SLC4A4: variants seen among roughly 807,000 people sequenced by gnomAD.
SLC4A4 encodes electrogenic sodium bicarbonate cotransporter 1.
In SLC4A4, 27 loss-of-function variants were observed where a neutral mutation model predicts 111.5. The ratio of observed to expected loss-of-function variants is 0.24; its 90% CI spans 0.18 to 0.33. The LOEUF (loss-of-function observed/expected upper bound fraction) is 0.33, where lower values mean the gene tolerates loss of function less well. Ranked by LOEUF, SLC4A4 falls within the 10% of genes least tolerant of loss-of-function variation. SLC4A4 has a pLI of 1.00. For synonymous variants in SLC4A4, 443 were observed against 463.4 expected, an observed-to-expected ratio of 0.96 and a Z score of 0.57; for missense variants, 909 against 1,315.5, an observed-to-expected ratio of 0.69 and a Z score of 4.78.
chr4:71,069,789 A>C (rs572548449), intron 1 of SLC4A4, among the ~76,000 whole-genome samples: 2 of 152,312 alleles, frequency 1.3e-5, no homozygotes, highest in African/African-American at 4.8e-5. Context: ...CCAGAATGAT[A>C]ATTGTTAACC....
intron 1 of SLC4A4, among the ~76,000 whole-genome samples, chr4:71,199,218 G>T (rs1746142411): frequency 2.0e-5 from 3 of 152,290 alleles, no homozygotes; most frequent in Admixed American, 1.3e-4. Flanking sequence ...ACTGGCCTCA[G>T]CATGTCTTAT....
At chr4:71,491,289 G>C (rs1033722498) in intron 15 of SLC4A4, among the ~76,000 whole-genome samples, 1 of 151,720 alleles carries the variant, frequency 6.6e-6, no homozygotes, top group African/African-American at 2.4e-5. Context: ...TTTATTAGTG[G>C]TATCACTCTC....
chr4:71,195,202 T>A (rs1452638199), intron 1 of SLC4A4, among the ~76,000 whole-genome samples: 7 of 151,344 alleles, frequency 4.6e-5, no homozygotes, highest in Non-Finnish European at 1.0e-4. Context: ...CAAAGACTGA[T>A]GTTCTTTTCC....
At chr4:71,305,464 G>C (rs1272812718) in intron 3 of SLC4A4, among the ~76,000 whole-genome samples, 1 of 152,180 alleles carries the variant, frequency 6.6e-6, no homozygotes, top group Non-Finnish European at 1.5e-5. Flanking sequence ...TTAAATGAAA[G>C]ATGAAGCATA....
At chr4:71,113,610 G>T (rs1743156794) in intron 2 of SLC4A4, among the ~76,000 whole-genome samples, 1 of 152,134 alleles carries the variant, frequency 6.6e-6, no homozygotes, top group Non-Finnish European at 1.5e-5. Flanking sequence ...CTTAATTGCG[G>T]TGGTCATGCA....
intron 3 of SLC4A4, among the ~76,000 whole-genome samples, chr4:71,324,127 A>G (rs1359282260): frequency 1.3e-5 from 2 of 151,968 alleles, no homozygotes; most frequent in African/African-American, 4.8e-5. Flanking sequence ...CGATATGCAG[A>G]TGGCGCAATT....
In SLC4A4 at chr4:71,396,640, T is replaced by G. The variant is rs561534664; in HGVS notation, c.731-937T>G. On this transcript the variant is annotated intron_variant, in intron 6 of 25. Transcript: ENST00000264485. ...ATCTTGGCTTTGAAAAGTTAGGTTT[T>G]TTTTTGCTTAGCAAGCCTAGAAATT... 1.7e-4 allele frequency among the ~76,000 whole-genome samples: 26 copies of G among 152,314 alleles called. No individual in the cohort carries two copies. The South Asian group carries it at 5.0e-3, about 29-fold the overall frequency.
intron 21 of SLC4A4, among the ~76,000 whole-genome samples, chr4:71,556,834 T>G (rs368427869): frequency 3.9e-5 from 6 of 152,126 alleles, no homozygotes; most frequent in Non-Finnish European, 7.4e-5. Context: ...CTTTTGCACT[T>G]CTTTCCCTCC....
chr4:71,084,602 T>C (rs962424192), intron 1 of SLC4A4, among the ~76,000 whole-genome samples: 1 of 151,988 alleles, frequency 6.6e-6, no homozygotes, highest in Non-Finnish European at 1.5e-5. Context: ...CCCCTTCCTG[T>C]GTCCATGTGT....
chr4:71,472,021 G>A (rs1560537804), intron 13 of SLC4A4, among the ~76,000 whole-genome samples: 2 of 151,980 alleles, frequency 1.3e-5, no homozygotes, highest in East Asian at 3.9e-4. Flanking sequence ...TCATGTTGGT[G>A]GCACACTGTC....
rs548016895 is a variant in SLC4A4 at position 71,156,365 on chromosome 4, C to A, written c.-2+63573C>A. Reference sequence around the variant, plus strand: ...TATTATGCTGATGCTTCACTCTGTGCACAGTTATGTGCACACCTTAGGTAC... The same window carrying A: ...TATTATGCTGATGCTTCACTCTGTGAACAGTTATGTGCACACCTTAGGTAC... On this transcript the variant is annotated intron_variant, in intron 2 of 26. Coordinates refer to the SLC4A4 transcript ENST00000649996. Among the ~76,000 whole-genome samples, 21 of 152,174 alleles carry A rather than the reference C, an allele frequency of 1.4e-4. No individual in the cohort carries two copies. The South Asian group carries it at 3.9e-3, about 29-fold the overall frequency.
chr4:71,071,298 A>G (rs1208902368), intron 1 of SLC4A4, among the ~76,000 whole-genome samples: 1 of 151,750 alleles, frequency 6.6e-6, no homozygotes, highest in Non-Finnish European at 1.5e-5. Context: ...AAGAAGAAGA[A>G]AAAAGCTGTG....
intron 3 of SLC4A4, among the ~76,000 whole-genome samples, chr4:71,278,362 C>T (rs532648267): frequency 2.6e-5 from 4 of 152,120 alleles, no homozygotes; most frequent in Non-Finnish European, 5.9e-5. Context: ...TTGGTCATTT[C>T]GTGTCTTAGA....
intron 1 of SLC4A4, among the ~76,000 whole-genome samples, chr4:71,063,526 T>C (rs1357764267): frequency 2.6e-5 from 4 of 152,022 alleles, no homozygotes; most frequent in Admixed American, 2.6e-4. Flanking sequence ...ATTTATTTTC[T>C]ATTATAATTA....
intron 15 of SLC4A4, among the ~76,000 whole-genome samples, chr4:71,492,469 A>T (rs983798937): frequency 4.6e-5 from 7 of 152,004 alleles, no homozygotes; most frequent in Non-Finnish European, 7.4e-5. Context: ...GATTTACCAC[A>T]GTTAAGATCC....
chr4:71,369,859 T>C lies in SLC4A4; in HGVS notation c.730+12672T>C, dbSNP rs78183693. Among the ~76,000 whole-genome samples the C allele has an allele frequency of 2.0e-3, 302 of 152,240 alleles. 8 individuals are homozygous for C. In the East Asian group the frequency reaches 0.044, roughly 22 times the overall value. ...TTCCCTGTCCTTGGGGGGTTTCCTTTCTAATGAAGGAGACAGGACATAAAT... is the reference window on the plus strand; with the variant it reads ...TTCCCTGTCCTTGGGGGGTTTCCTTCCTAATGAAGGAGACAGGACATAAAT... On this transcript the variant is annotated intron_variant, in intron 6 of 25. Transcript: ENST00000264485.
intron 2 of SLC4A4, among the ~76,000 whole-genome samples, chr4:71,124,061 G>T (rs1010999848): frequency 2.6e-5 from 4 of 151,996 alleles, no homozygotes; most frequent in African/African-American, 9.7e-5. Context: ...TATTTGGGTG[G>T]TTGTGGCACT....
chr4:71,143,543 GA>G (rs1282191113), intron 2 of SLC4A4, among the ~76,000 whole-genome samples: 3 of 152,198 alleles, frequency 2.0e-5, no homozygotes, highest in African/African-American at 4.8e-5. Flanking sequence ...CACAATGGTT[GA>G]ACTAGTTTAC....
intron 2 of SLC4A4, among the ~76,000 whole-genome samples, chr4:71,140,185 G>A (rs997502988): frequency 5.3e-5 from 8 of 152,126 alleles, no homozygotes; most frequent in African/African-American, 1.2e-4. Flanking sequence ...TTTGGGAGAC[G>A]AAGGTAGGCA....
Sources: gnomAD v4.1 joint callset for allele counts (sites outside exome capture counted in the v4.1 genomes callset) on GRCh38, gnomAD v4.1.1 for gene constraint, MANE v1.5 for transcripts, NCBI Gene and HGNC (gene_info 2026-07-23, HGNC 2026-07-21) for gene names.